The following ASAP2 variants were observed in gnomAD, a reference collection of about 807,000 sequenced individuals.
ASAP2 encodes the protein ArfGAP with SH3 domain, ankyrin repeat and PH domain 2.
ASAP2 carries 45 observed loss-of-function variants against 131.4 expected under a neutral mutation model. The observed-to-expected ratio is 0.34, with a 90% CI of 0.27 to 0.44. The LOEUF (loss-of-function observed/expected upper bound fraction) is 0.44, where lower values mean the gene tolerates loss of function less well. Among genes scored for constraint, ASAP2 ranks in the 20% least tolerant of loss-of-function variants. The pLI is 1.00. For missense variants in ASAP2, 1,011 were observed against 1,297.0 expected (o/e 0.78, Z 3.39); for synonymous variants, 510 against 503.0 (o/e 1.01, Z -0.19).
intron 3 of ASAP2, 98 bp downstream of exon 3, chr2:9,297,543 T>TTCATAG: frequency 1.4e-6 from 2 of 1,426,594 alleles, no homozygotes; most frequent in Non-Finnish European, 9.7e-7. Context: ...AGGAATGCAT[T>TTCATAG]TCATAGTTCC....
intron 1 of ASAP2, among the ~76,000 whole-genome samples, chr2:9,233,808 T>C (rs1259508697): frequency 1.3e-5 from 2 of 152,232 alleles, no homozygotes; most frequent in East Asian, 1.9e-4. Flanking sequence ...ATCATCCCCA[T>C]GTTTAAAGAA....
chr2:9,297,041 C>G (rs1668192519), intron 2 of ASAP2, among the ~76,000 whole-genome samples: 1 of 152,188 alleles, frequency 6.6e-6, no homozygotes, highest in African/African-American at 2.4e-5. Flanking sequence ...CCTTGGCCAT[C>G]TCATCTGATA....
chr2:9,370,868 G>A (rs1188300067), intron 16 of ASAP2, among the ~76,000 whole-genome samples: 3 of 152,210 alleles, frequency 2.0e-5, no homozygotes, highest in Non-Finnish European at 4.4e-5. Context: ...TGAAGGAAAC[G>A]TCGTGAATCC....
At chr2:9,259,425 G>C (rs1012167173) in intron 1 of ASAP2, among the ~76,000 whole-genome samples, 17 of 152,160 alleles carry the variant, frequency 1.1e-4, no homozygotes, top group Admixed American at 1.1e-3. Context: ...CTGCTCTCCT[G>C]CCAGGCTGCC....
intron 11 of ASAP2, among the ~76,000 whole-genome samples, chr2:9,347,443 G>A (rs1258039953): frequency 6.6e-6 from 1 of 152,188 alleles, no homozygotes; most frequent in Non-Finnish European, 1.5e-5. Context: ...GGAAAAAAGG[G>A]CACATTTCCA....
At position 9,405,598 on chromosome 2, in the gene ASAP2, T is replaced by C. The variant is rs1677160431; in HGVS notation, c.*2271T>C. 6.6e-6 allele frequency: 1 copy of C among 152,656 alleles called. No homozygotes were observed. The highest frequency in any genetic ancestry group is 1.5e-5 in the Non-Finnish European group (1 of 68,046). The allele number at this position is 152,656 out of a possible 1,614,324, so 9.5% of individuals were successfully genotyped here. A position where few individuals can be genotyped will look rare whatever the true frequency, so the allele number is the denominator to read the frequency against. On this transcript the variant is annotated 3_prime_UTR_variant, in exon 28 of 28. Transcript: ENST00000281419. ...TCATTGTCCTTAATGCAGTGATTTA[T>C]AATTAGAGCATGTTTAATAAGTTTA...
intron 1 of ASAP2, among the ~76,000 whole-genome samples, chr2:9,262,824 G>A (rs1665669492): frequency 6.6e-6 from 1 of 152,208 alleles, no homozygotes; most frequent in Non-Finnish European, 1.5e-5. Flanking sequence ...GGCGTCTCCA[G>A]GCTGACCTCC....
At chr2:9,208,130 C>T (rs957735264) in intron 1 of ASAP2, among the ~76,000 whole-genome samples, 2 of 152,180 alleles carry the variant, frequency 1.3e-5, no homozygotes, top group African/African-American at 4.8e-5. Context: ...TTTCCTTACC[C>T]ATCAAACGGG....
rs374229116 is a variant in ASAP2 at position 9,350,936 on chromosome 2, C to T, written c.1111+41C>T. Reference sequence around the variant, plus strand: ...AGATGCCGCGCCATAGAGACGTTGTCTTATGCTCTCCTCTGGGGCGTCCTT... The same window carrying T: ...AGATGCCGCGCCATAGAGACGTTGTTTTATGCTCTCCTCTGGGGCGTCCTT... On this transcript the variant is annotated intron_variant, in intron 12 of 27. Coordinates refer to ENST00000281419, the MANE Select transcript of ASAP2 (RefSeq NM_003887.3). 5.4e-6 allele frequency: 8 copies of T among 1,489,366 alleles called. No individual in the cohort carries two copies. The African/African-American group carries it at 9.7e-5, about 18-fold the overall frequency. 92.3% of individuals were successfully genotyped at this position (1,489,366 alleles called of 1,614,324 possible).
intron 1 of ASAP2, among the ~76,000 whole-genome samples, chr2:9,255,483 G>A (rs1017705573): frequency 2.0e-5 from 3 of 152,188 alleles, no homozygotes; most frequent in Non-Finnish European, 2.9e-5. Flanking sequence ...TAAAAAGATG[G>A]CCTCATATTG....
chr2:9,373,931 G>C (rs12472937), intron 16 of ASAP2, among the ~76,000 whole-genome samples: 1 of 152,176 alleles, frequency 6.6e-6, no homozygotes, highest in Non-Finnish European at 1.5e-5. Context: ...TCCAAGGCCC[G>C]GGACCCACTG....
At chr2:9,242,387 A>G (rs968294643) in intron 1 of ASAP2, among the ~76,000 whole-genome samples, 2 of 152,222 alleles carry the variant, frequency 1.3e-5, no homozygotes, top group Non-Finnish European at 2.9e-5. Context: ...TGTAACCTCT[A>G]GTGATCTGCT....
chr2:9,322,448 G>T (rs1184870474), intron 5 of ASAP2, among the ~76,000 whole-genome samples: 1 of 152,042 alleles, frequency 6.6e-6, no homozygotes, highest in East Asian at 1.9e-4. Flanking sequence ...GCTTTCTGTT[G>T]GTTTTGTTTA....
intron 1 of ASAP2, among the ~76,000 whole-genome samples, chr2:9,241,098 G>A (rs55912883): frequency 6.6e-6 from 1 of 152,140 alleles, no homozygotes; most frequent in Admixed American, 6.5e-5. Context: ...ACTGTGGTTA[G>A]TGGAAACTGT....
At chr2:9,306,188 TG>T (rs1668926740) in intron 3 of ASAP2, among the ~76,000 whole-genome samples, 1 of 137,660 alleles carries the variant, frequency 7.3e-6, no homozygotes, top group African/African-American at 2.8e-5. Flanking sequence ...AGAGAGGGAG[TG>T]GAAGCGCTGC....
rs1207864308 is a variant in ASAP2 at position 9,268,706 on chromosome 2, T to C, written c.127-10611T>C. 6.6e-6 allele frequency among the ~76,000 whole-genome samples: 1 copy of C among 152,196 alleles called. No homozygotes were observed. The highest frequency in any genetic ancestry group is 1.5e-5 in the Non-Finnish European group (1 of 68,030). On this transcript the variant is annotated intron_variant, in intron 1 of 27. Transcript: ENST00000281419. The surrounding 1 kb of genome is among the most constrained non-coding windows in gnomAD (Gnocchi z 4.1). ...GGGGCACGGACCTGGGTGTGTTTTG[T>C]TTTTTGTTTTGTCTACTGTCTTTCA...
chr2:9,348,073 T>G (rs1204531735), intron 11 of ASAP2, among the ~76,000 whole-genome samples: 1 of 152,230 alleles, frequency 6.6e-6, no homozygotes, highest in African/African-American at 2.4e-5. Flanking sequence ...GTGAATTAGA[T>G]GAAACCGTTC....
chr2:9,240,717 C>T (rs145637776), intron 1 of ASAP2, among the ~76,000 whole-genome samples: 1,799 of 152,316 alleles, frequency 0.012, 26 homozygotes, highest in African/African-American at 0.041. Flanking sequence ...GCAACCTCAG[C>T]ATAGGAATTT....
At chr2:9,329,177 C>G (rs1334350393) in intron 7 of ASAP2, among the ~76,000 whole-genome samples, 1 of 152,108 alleles carries the variant, frequency 6.6e-6, no homozygotes. Flanking sequence ...GGAAAAAGGC[C>G]AAGGTGACAT....
Sources: gnomAD v4.1 joint callset for allele counts (sites outside exome capture counted in the v4.1 genomes callset) on GRCh38, gnomAD v4.1.1 for gene constraint, Gnocchi (gnomAD v3.1) non-coding constraint, MANE v1.5 for transcripts, NCBI Gene and HGNC (gene_info 2026-07-23, HGNC 2026-07-21) for gene names.